Variants in SOX6 observed in about 807,000 individuals in gnomAD.
The protein encoded by SOX6 is SRY-box transcription factor 6.
Under a neutral mutation model 97.8 loss-of-function variants are expected in SOX6, and 11 were observed. That is an observed-to-expected ratio of 0.11 (90% CI 0.07 to 0.19). SOX6 has a LOEUF of 0.19. Among genes scored for constraint, SOX6 ranks in the 10% least tolerant of loss-of-function variants. The pLI is 1.00. For missense variants in SOX6, 810 were observed against 1,039.5 expected, an observed-to-expected ratio of 0.78 and a Z score of 3.04; for synonymous variants, 360 against 371.4, an observed-to-expected ratio of 0.97 and a Z score of 0.35.
chr11:16,492,591 C>T (rs1860529343), intron 4 of SOX6, among the ~76,000 whole-genome samples: 1 of 152,122 alleles, frequency 6.6e-6, no homozygotes, highest in African/African-American at 2.4e-5. Context: ...TATAGTGTGA[C>T]CTTAATAAGA....
In SOX6 at chr11:16,503,709, T is replaced by C. The variant is rs146693908; in HGVS notation, n.610-27321A>G. Among the ~76,000 whole-genome samples the C allele has an allele frequency of 6.0e-3, 910 of 152,314 alleles. 6 individuals carry two copies. The highest frequency in any genetic ancestry group is 0.021 in the African/African-American group (872 of 41,566). ...GTAAAAAGAGATGAAAATGTCATTA[T>C]ATAATGATAAAGGGAACAACTCAGC... On this transcript the variant is annotated intron_variant and non_coding_transcript_variant, in intron 4 of 5. Transcript: ENST00000524520.
intron 1 of SOX6, among the ~76,000 whole-genome samples, chr11:16,368,838 G>T (rs979732800): frequency 6.6e-6 from 1 of 151,992 alleles, no homozygotes; most frequent in Non-Finnish European, 1.5e-5. Flanking sequence ...ATCTAATAAC[G>T]GGTGAGTATG....
At chr11:16,525,512 A>C (rs1344011468) in intron 4 of SOX6, among the ~76,000 whole-genome samples, 125 of 151,936 alleles carry the variant, frequency 8.2e-4, no homozygotes, top group East Asian at 7.0e-3. Context: ...AACGTTAGAC[A>C]TAAAACCATA....
chr11:16,061,368 G>T (rs1333471912), intron 9 of SOX6, among the ~76,000 whole-genome samples: 1 of 147,112 alleles, frequency 6.8e-6, no homozygotes, highest in Admixed American at 6.8e-5. Context: ...GAAAACTATA[G>T]AACACTGATG....
chr11:16,691,522 G>A (rs1217331240), intron 3 of SOX6, among the ~76,000 whole-genome samples: 1 of 152,184 alleles, frequency 6.6e-6, no homozygotes, highest in African/African-American at 2.4e-5. Context: ...AACTGGCTGG[G>A]CATGGTGGCT....
intron 12 of SOX6, among the ~76,000 whole-genome samples, chr11:16,042,073 T>C (rs1855684134): frequency 6.6e-6 from 1 of 152,158 alleles, no homozygotes; most frequent in Admixed American, 6.6e-5. Flanking sequence ...CTTCAAAACA[T>C]CCCTTCAAGA....
intron 3 of SOX6, among the ~76,000 whole-genome samples, chr11:16,702,483 T>C (rs1245896831): frequency 1.3e-5 from 2 of 152,176 alleles, no homozygotes; most frequent in Non-Finnish European, 2.9e-5. Flanking sequence ...CAGCAAGTAA[T>C]GAGAATGCTA....
At chr11:16,482,830 AT>A (rs952944818) in intron 4 of SOX6, among the ~76,000 whole-genome samples, 1 of 152,292 alleles carries the variant, frequency 6.6e-6, no homozygotes, top group African/African-American at 2.4e-5. Flanking sequence ...TAAAATTAAA[AT>A]TTTTACTGTT....
intron 1 of SOX6, among the ~76,000 whole-genome samples, chr11:16,433,933 A>G (rs926551663): frequency 1.3e-5 from 2 of 152,002 alleles, no homozygotes; most frequent in African/African-American, 4.8e-5. Flanking sequence ...GGTAGTTCAA[A>G]CTCCTTAATA....
intron 4 of SOX6, among the ~76,000 whole-genome samples, chr11:16,232,544 C>T (rs1402626903): frequency 6.6e-6 from 1 of 151,790 alleles, no homozygotes; most frequent in Non-Finnish European, 1.5e-5. Context: ...CCAAGACTAG[C>T]ACATTTTTTA....
chr11:16,577,614 A>T (rs1284337239), intron 4 of SOX6, among the ~76,000 whole-genome samples: 1 of 152,152 alleles, frequency 6.6e-6, no homozygotes, highest in Non-Finnish European at 1.5e-5. Flanking sequence ...TTTGCTTACT[A>T]TAGCCTCCCT....
At position 15,972,783 on chromosome 11, in the gene SOX6, A is replaced by C. The variant is rs1344766480; in HGVS notation, c.*26T>G. On this transcript the variant is annotated 3_prime_UTR_variant, in exon 16 of 16. Transcript: ENST00000683767. ...GGGGAGGGGGGTGAAATGTCAGAGT[A>C]CTTTAATTCAGCAAACAAAAACTCC... The C allele has an allele frequency of 6.2e-7, 1 of 1,613,250 alleles. No individual in the cohort carries two copies. Among genetic ancestry groups the C allele is most frequent in the African/African-American group, 1.3e-5 (1 of 74,918 alleles).
intron 4 of SOX6, among the ~76,000 whole-genome samples, chr11:16,535,919 T>C (rs1216737753): frequency 6.6e-6 from 1 of 152,204 alleles, no homozygotes; most frequent in African/African-American, 2.4e-5. Context: ...AATATCTTCT[T>C]CTCTCAAAAT....
Position 15,972,671 on chromosome 11 carries a change from C to G in SOX6, c.*138G>C, listed in dbSNP as rs1853351830. On this transcript the variant is annotated 3_prime_UTR_variant, in exon 16 of 16. Coordinates refer to ENST00000683767, the MANE Select transcript of SOX6 (RefSeq NM_001367873.1). ...AAAAATCAGGGAAAACTTAATCTGT[C>G]TCACACTTTACGAAACAATTAAGAC... 1.1e-6 allele frequency: 1 copy of G among 921,070 alleles called. No homozygotes were observed. The allele number at this position is 921,070 out of a possible 1,614,324, so 57.1% of individuals were successfully genotyped here.
chr11:16,435,725 A>G (rs1859363115), intron 1 of SOX6, among the ~76,000 whole-genome samples: 1 of 152,108 alleles, frequency 6.6e-6, no homozygotes, highest in African/African-American at 2.4e-5. Context: ...CCTACCAAAA[A>G]AGTCTTTCAG....
chr11:16,643,398 A>G (rs1848957546), intron 3 of SOX6, among the ~76,000 whole-genome samples: 2 of 152,210 alleles, frequency 1.3e-5, no homozygotes, highest in South Asian at 4.1e-4. Flanking sequence ...CCATTCTCAG[A>G]TCTCAAGCTG....
intron 9 of SOX6, among the ~76,000 whole-genome samples, chr11:16,089,419 T>C (rs1188499231): frequency 6.6e-6 from 1 of 152,120 alleles, no homozygotes; most frequent in African/African-American, 2.4e-5. Context: ...ACTACCCACA[T>C]AGCACCTGAT....
At chr11:16,058,513 C>T (rs763820049) in intron 9 of SOX6, among the ~76,000 whole-genome samples, 2 of 152,028 alleles carry the variant, frequency 1.3e-5, no homozygotes, top group South Asian at 2.1e-4. Context: ...GATTTATGGG[C>T]TTCAGCATAA....
intron 15 of SOX6, among the ~76,000 whole-genome samples, chr11:15,983,645 G>T (rs1853739084): frequency 6.6e-6 from 1 of 151,998 alleles, no homozygotes; most frequent in Non-Finnish European, 1.5e-5. Context: ...ACTTAAAAGA[G>T]AATACAAATC....
Sources: gnomAD v4.1 joint callset for allele counts (sites outside exome capture counted in the v4.1 genomes callset) on GRCh38, gnomAD v4.1.1 for gene constraint, MANE v1.5 for transcripts, NCBI Gene and HGNC (gene_info 2026-07-23, HGNC 2026-07-21) for gene names.